SLC22A9: variants seen among roughly 807,000 people sequenced by gnomAD.
SLC22A9 encodes organic anion transporter 7.
Under a neutral mutation model 50.1 loss-of-function variants are expected in SLC22A9, and 64 were observed. That is an observed-to-expected ratio of 1.28 (90% CI 1.04 to 1.57). The LOEUF is 1.57. Ranked by LOEUF, SLC22A9 falls within the 40% of genes most tolerant of loss-of-function variation. SLC22A9 has a pLI of 0.00. For missense variants in SLC22A9, 757 were observed against 676.1 expected, an observed-to-expected ratio of 1.12 and a Z score of -1.33; for synonymous variants, 261 against 242.5, an observed-to-expected ratio of 1.08 and a Z score of -0.71.
At chr11:63,407,163 T>G (rs2015055075) in intron 7 of SLC22A9, among the ~76,000 whole-genome samples, 1 of 152,204 alleles carries the variant, frequency 6.6e-6, no homozygotes, top group African/African-American at 2.4e-5. Context: ...TCTACTTGTG[T>G]GCCTTGTATT....
chr11:63,392,718 C>T (rs2014785283), intron 6 of SLC22A9, among the ~76,000 whole-genome samples: 1 of 151,992 alleles, frequency 6.6e-6, no homozygotes, highest in East Asian at 1.9e-4. Context: ...TTTTGCAACA[C>T]TTACTGATAT....
In SLC22A9 at chr11:63,370,180, G is replaced by A; in HGVS notation, c.124G>A (p.Ala42Thr). 4.3e-6 allele frequency: 7 copies of A among 1,614,042 alleles called. No homozygotes were observed. Among genetic ancestry groups the A allele is most frequent in the Non-Finnish European group, 5.9e-6 (7 of 1,179,928 alleles). ...YLHFMLENFT[A>T]FIPGHRCWVH... ...TCATTTTATGCTGGAGAACTTCACT[G>A]CATTCATACCTGGCCATCGCTGCTG... The change falls in exon 1 of 10, where the codon GCA becomes ACA. Residue 42 changes from alanine to threonine, a missense_variant. Transcript: ENST00000279178.
chr11:63,371,451 T>C (rs1345926519), intron 2 of SLC22A9, among the ~76,000 whole-genome samples: 1 of 152,146 alleles, frequency 6.6e-6, no homozygotes, highest in Admixed American at 6.5e-5. Context: ...CCATGTGAAC[T>C]GGGGGTGTTT....
chr11:63,401,143 T>C (rs1390432481), intron 6 of SLC22A9, among the ~76,000 whole-genome samples: 2 of 151,964 alleles, frequency 1.3e-5, no homozygotes, highest in Non-Finnish European at 2.9e-5. Flanking sequence ...GTAGTGGACG[T>C]CCTACCCAGA....
At chr11:63,397,699 A>G (rs2014883915) in intron 6 of SLC22A9, among the ~76,000 whole-genome samples, 1 of 152,024 alleles carries the variant, frequency 6.6e-6, no homozygotes, top group Admixed American at 6.6e-5. Flanking sequence ...TTTATTGCCA[A>G]TGTGCACTCA....
intron 1 of SLC22A9, among the ~76,000 whole-genome samples, chr11:63,370,795 C>T (rs2014341194): frequency 1.3e-5 from 2 of 152,258 alleles, no homozygotes; most frequent in South Asian, 4.2e-4. Context: ...GAAAAGCCTC[C>T]ATGCCCAGAG....
At chr11:63,407,489 G>A (rs964321166) in intron 7 of SLC22A9, among the ~76,000 whole-genome samples, 3 of 152,148 alleles carry the variant, frequency 2.0e-5, no homozygotes, top group Non-Finnish European at 4.4e-5. Flanking sequence ...CCAATGTCAT[G>A]AGGCTATGAC....
chr11:63,391,321 A>G (rs1316328132), intron 6 of SLC22A9, among the ~76,000 whole-genome samples: 2 of 152,098 alleles, frequency 1.3e-5, no homozygotes, highest in Admixed American at 1.3e-4. Context: ...TTTCATAAGT[A>G]TCTATTAGGT....
chr11:63,394,532 G>C (rs2014817932), intron 6 of SLC22A9, among the ~76,000 whole-genome samples: 1 of 152,104 alleles, frequency 6.6e-6, no homozygotes, highest in South Asian at 2.1e-4. Context: ...TGTTTTGTTT[G>C]AGGAGGCTGA....
chr11:63,386,818 G>A (rs2014677289), intron 6 of SLC22A9, among the ~76,000 whole-genome samples: 1 of 151,272 alleles, frequency 6.6e-6, no homozygotes, highest in African/African-American at 2.4e-5. Context: ...TGTTGTTGTT[G>A]TTGATGATTT....
chr11:63,382,446 G>A (rs1217413596), intron 6 of SLC22A9, among the ~76,000 whole-genome samples, 169 bp downstream of exon 6: 1 of 152,192 alleles, frequency 6.6e-6, no homozygotes, highest in Non-Finnish European at 1.5e-5. Flanking sequence ...TGAAAAGACT[G>A]ACACGGAATT....
At chr11:63,392,500 T>C (rs2014781823) in intron 6 of SLC22A9, among the ~76,000 whole-genome samples, 1 of 152,032 alleles carries the variant, frequency 6.6e-6, no homozygotes, top group African/African-American at 2.4e-5. Context: ...TACTCTGGGA[T>C]AAAAGGTTTT....
intron 6 of SLC22A9, among the ~76,000 whole-genome samples, chr11:63,401,676 A>C (rs1026059566): frequency 2.6e-5 from 4 of 152,086 alleles, no homozygotes; most frequent in African/African-American, 9.7e-5. Context: ...AGAAATCCTA[A>C]GCAAAAAGAA....
chr11:63,387,793 A>G (rs759011937), intron 6 of SLC22A9, among the ~76,000 whole-genome samples: 3 of 152,062 alleles, frequency 2.0e-5, no homozygotes, highest in Non-Finnish European at 2.9e-5. Context: ...AACATGGAAT[A>G]TCTTTCCATT....
chr11:63,392,211 T>A (rs576570149), intron 6 of SLC22A9, among the ~76,000 whole-genome samples: 1 of 152,228 alleles, frequency 6.6e-6, no homozygotes, highest in South Asian at 2.1e-4. Context: ...TATTGTTTCA[T>A]CTTTTAATCT....
intron 6 of SLC22A9, among the ~76,000 whole-genome samples, chr11:63,383,728 A>G (rs1184157865): frequency 6.6e-6 from 1 of 152,186 alleles, no homozygotes; most frequent in Non-Finnish European, 1.5e-5. Context: ...AACAGCTACC[A>G]TAACAATGCA....
intron 6 of SLC22A9, among the ~76,000 whole-genome samples, chr11:63,398,169 G>A (rs1368385012): frequency 2.6e-5 from 4 of 152,172 alleles, no homozygotes; most frequent in Non-Finnish European, 5.9e-5. Context: ...GGAGATGTCT[G>A]GAGATGTCAT....
chr11:63,391,245 CT>C (rs2014758655), intron 6 of SLC22A9, among the ~76,000 whole-genome samples: 1 of 152,026 alleles, frequency 6.6e-6, no homozygotes, highest in South Asian at 2.1e-4. Context: ...AACATATGGT[CT>C]ATCCTTAAGA....
rs1463804394 is a variant in SLC22A9, at chr11:63,408,802, C to G, written c.1524C>G (p.Ile508Met). ...TCATCTATGGAGTCTTCCCCTTCAT[C>G]TCTGGCTTTGCTTTCCTCCTCCTTC... Reference protein sequence around the residue: ...PWIIYGVFPFISGFAFLLLPE... With the variant: ...PWIIYGVFPFMSGFAFLLLPE... Residue 508 changes from isoleucine (I) to methionine (M), a missense_variant, in exon 9 of 10, where the codon ATC becomes ATG. By Grantham distance (10) the Ile-to-Met change is conservative. Transcript: ENST00000279178. 1.3e-5 allele frequency: 21 copies of G among 1,613,882 alleles called. No homozygotes were observed. The highest frequency in any genetic ancestry group is 1.6e-5 in the Non-Finnish European group (19 of 1,179,946).
Sources: allele counts gnomAD v4.1 joint callset (sites outside exome capture counted in the v4.1 genomes callset), GRCh38; gene constraint gnomAD v4.1.1; transcripts MANE v1.5; gene names NCBI Gene and HGNC (gene_info 2026-07-23, HGNC 2026-07-21).